RASGRF2: variants seen among roughly 807,000 people sequenced by gnomAD.
The protein encoded by RASGRF2 is Ras protein specific guanine nucleotide releasing factor 2.
A neutral mutation model predicts 151.0 loss-of-function variants in RASGRF2; 76 were observed. The ratio of observed to expected loss-of-function variants is 0.50; its 90% CI spans 0.42 to 0.61. The LOEUF (loss-of-function observed/expected upper bound fraction) is 0.61. Among genes scored for constraint, RASGRF2 ranks in the 20% least tolerant of loss-of-function variants. The probability of loss-of-function intolerance (pLI) is 0.00; values close to 1 mark genes in which losing one functional copy is unlikely to be tolerated. For synonymous variants in RASGRF2, 504 were observed against 566.5 expected (o/e 0.89, Z 1.57); for missense variants, 1,148 against 1,564.6 (o/e 0.73, Z 4.49).
intron 18 of RASGRF2, among the ~76,000 whole-genome samples, chr5:81,189,878 A>AT (rs1755118433): frequency 6.6e-6 from 1 of 151,586 alleles, no homozygotes; most frequent in South Asian, 2.1e-4. Context: ...CACCAAGCTA[A>AT]TTTTTTTGTA....
chr5:81,023,485 T>A (rs1355308768), intron 1 of RASGRF2, among the ~76,000 whole-genome samples: 1 of 152,162 alleles, frequency 6.6e-6, no homozygotes, highest in Non-Finnish European at 1.5e-5. Context: ...TGAGTTCTTA[T>A]CAGAGTGAGA....
chr5:81,041,899 C>T (rs1750689208), intron 1 of RASGRF2, among the ~76,000 whole-genome samples: 1 of 152,152 alleles, frequency 6.6e-6, no homozygotes, highest in African/African-American at 2.4e-5. Flanking sequence ...GATCTGTTCT[C>T]TATCCCTATT....
At chr5:81,214,273 TCACATTATAGGTCACTCA>T (rs1755685588) in intron 23 of RASGRF2, among the ~76,000 whole-genome samples, 1 of 152,224 alleles carries the variant, frequency 6.6e-6, no homozygotes, top group African/African-American at 2.4e-5. Flanking sequence ...AGCATTTCAG[TCACATTATAGGTCACTCA>T]CAGTGGCCTT....
intron 17 of RASGRF2, among the ~76,000 whole-genome samples, chr5:81,176,264 T>C (rs1754771826): frequency 6.6e-6 from 1 of 152,242 alleles, no homozygotes; most frequent in Non-Finnish European, 1.5e-5. Flanking sequence ...ACTACACTGC[T>C]AATTGGTGGC....
intron 18 of RASGRF2, among the ~76,000 whole-genome samples, chr5:81,198,088 T>C (rs546940632): frequency 6.6e-6 from 1 of 151,978 alleles, no homozygotes. Context: ...TCTCTCTCTC[T>C]CCCCAGACTC....
At chr5:81,026,006 TCTTCCTTCCCTC>T (rs1750010704) in intron 1 of RASGRF2, among the ~76,000 whole-genome samples, 1 of 120,620 alleles carries the variant, frequency 8.3e-6, no homozygotes, top group Non-Finnish European at 1.8e-5. Flanking sequence ...TTCCTTCCTT[TCTTCCTTCCCTC>T]CTTCCTTCCA....
At chr5:80,972,605 G>C (rs909297548) in intron 1 of RASGRF2, among the ~76,000 whole-genome samples, 2 of 152,022 alleles carry the variant, frequency 1.3e-5, no homozygotes, top group Non-Finnish European at 2.9e-5. Flanking sequence ...TCAGCCTTCC[G>C]AGTAGCTGGG....
chr5:81,152,560 C>A (rs1489405455), intron 17 of RASGRF2, among the ~76,000 whole-genome samples: 1 of 151,808 alleles, frequency 6.6e-6, no homozygotes, highest in Non-Finnish European at 1.5e-5. Context: ...GTGACTTTAT[C>A]CTAGATGTAG....
At chr5:81,068,242 A>G in intron 3 of RASGRF2, 63 bp downstream of exon 3, 6 of 1,551,206 alleles carry the variant, frequency 3.9e-6, no homozygotes, top group Non-Finnish European at 5.2e-6. Flanking sequence ...CCTCATGATT[A>G]CTTAAGGCCT....
At chr5:80,973,884 CAATGGTGTGGCTGGAA>C (rs1748022956) in intron 1 of RASGRF2, among the ~76,000 whole-genome samples, 1 of 152,146 alleles carries the variant, frequency 6.6e-6, no homozygotes, top group African/African-American at 2.4e-5. Flanking sequence ...TCAAGAGCTA[CAATGGTGTGGCTGGAA>C]ACAGCTGACC....
At chr5:81,007,237 T>C (rs1228369468) in intron 1 of RASGRF2, among the ~76,000 whole-genome samples, 1 of 152,232 alleles carries the variant, frequency 6.6e-6, no homozygotes, top group African/African-American at 2.4e-5. Flanking sequence ...CCTTGGCCTC[T>C]ACACTTTCAT....
intron 1 of RASGRF2, among the ~76,000 whole-genome samples, chr5:80,981,793 T>G (rs1748310992): frequency 6.6e-6 from 1 of 152,190 alleles, no homozygotes; most frequent in Non-Finnish European, 1.5e-5. Context: ...TGCAAACTCC[T>G]GGCCTCGAGT....
chr5:81,051,348 C>T (rs994697715), intron 2 of RASGRF2, among the ~76,000 whole-genome samples: 1 of 151,918 alleles, frequency 6.6e-6, no homozygotes, highest in African/African-American at 2.4e-5. Flanking sequence ...CTTCATATAC[C>T]ATGAAGTTTA....
chr5:81,180,076 G>C, intron 17 of RASGRF2, 99 bp from the exon 18 acceptor site: 2 of 691,016 alleles, frequency 2.9e-6, no homozygotes, highest in Non-Finnish European at 5.3e-6. Context: ...AGTGTCATCT[G>C]TGAGTTTCGT....
intron 1 of RASGRF2, among the ~76,000 whole-genome samples, chr5:80,987,063 C>T (rs1748496232): frequency 6.6e-6 from 1 of 152,192 alleles, no homozygotes; most frequent in South Asian, 2.1e-4. Context: ...CTTTCTCCTT[C>T]TGCCAGATGA....
chr5:81,073,056 C>T, intron 4 of RASGRF2, 143 bp from the exon 5 acceptor site: 2 of 1,045,200 alleles, frequency 1.9e-6, no homozygotes, highest in Non-Finnish European at 2.7e-6. Context: ...TTATTTTTCA[C>T]ATCATCCCTA....
At chr5:81,173,867 C>T (rs989437221) in intron 17 of RASGRF2, among the ~76,000 whole-genome samples, 1 of 152,168 alleles carries the variant, frequency 6.6e-6, no homozygotes, top group African/African-American at 2.4e-5. Flanking sequence ...GAAAACTTCA[C>T]GAGAGCAGGG....
chr5:81,038,202 GTTTC>G (rs145362079), intron 1 of RASGRF2, among the ~76,000 whole-genome samples: 9,633 of 152,186 alleles, frequency 0.063, 430 homozygotes, highest in East Asian at 0.16. Flanking sequence ...ATATGTGATT[GTTTC>G]TTTATGGTAT....
chr5:80,977,252 G>T (rs1287640134), intron 1 of RASGRF2, among the ~76,000 whole-genome samples: 2 of 152,086 alleles, frequency 1.3e-5, no homozygotes, highest in African/African-American at 4.8e-5. Flanking sequence ...GGTACCAAAC[G>T]TCCAGTATAT....
Sources: gnomAD v4.1 joint callset for allele counts (sites outside exome capture counted in the v4.1 genomes callset) on GRCh38, gnomAD v4.1.1 for gene constraint, MANE v1.5 for transcripts, NCBI Gene and HGNC (gene_info 2026-07-23, HGNC 2026-07-21) for gene names.